The following SRPK2 variants were observed in gnomAD, a reference collection of about 807,000 sequenced individuals.
SRPK2 encodes SRSF protein kinase 2, also known as SFRS protein kinase 2.
In SRPK2, 21 loss-of-function variants were observed where a neutral mutation model predicts 90.8. That is an observed-to-expected ratio of 0.23 (90% CI 0.16 to 0.33). SRPK2 has a LOEUF of 0.33. Among genes scored for constraint, SRPK2 ranks in the 10% least tolerant of loss-of-function variants. SRPK2 has a pLI of 1.00. For synonymous variants in SRPK2, 288 were observed against 311.1 expected (o/e 0.93, Z 0.78); for missense variants, 620 against 869.0 (o/e 0.71, Z 3.60).
chr7:105,162,118 T>C (rs1038098804), intron 6 of SRPK2, among the ~76,000 whole-genome samples: 3 of 152,198 alleles, frequency 2.0e-5, no homozygotes, highest in South Asian at 2.1e-4. Flanking sequence ...CTCAGCTCAC[T>C]GCAACCTCCA....
chr7:105,383,745 G>A (rs1289473616), intron 2 of SRPK2, among the ~76,000 whole-genome samples: 1 of 152,048 alleles, frequency 6.6e-6, no homozygotes, highest in African/African-American at 2.4e-5. Context: ...AAGGAACAAT[G>A]GATAAATGGA....
chr7:105,200,796 G>C (rs1472740278), intron 3 of SRPK2, among the ~76,000 whole-genome samples: 1 of 152,150 alleles, frequency 6.6e-6, no homozygotes, highest in Admixed American at 6.5e-5. Flanking sequence ...ATGAAAGCCA[G>C]GAAAACACTG....
At chr7:105,326,398 T>C (rs1309025023) in intron 2 of SRPK2, among the ~76,000 whole-genome samples, 1 of 152,222 alleles carries the variant, frequency 6.6e-6, no homozygotes, top group Non-Finnish European at 1.5e-5. Context: ...GTACATTATC[T>C]TCTCCATTAT....
At chr7:105,167,351 C>G in intron 6 of SRPK2, 26 bp downstream of exon 6, 2 of 1,580,194 alleles carry the variant, frequency 1.3e-6, no homozygotes, top group Non-Finnish European at 1.7e-6. Flanking sequence ...GGTAAAAATA[C>G]AAATAAATCA....
chr7:105,223,377 G>A (rs1338341046), intron 2 of SRPK2, among the ~76,000 whole-genome samples: 2 of 152,198 alleles, frequency 1.3e-5, no homozygotes, highest in Non-Finnish European at 2.9e-5. Context: ...ACACGGAGTT[G>A]AAGGCTGTTT....
intron 2 of SRPK2, among the ~76,000 whole-genome samples, chr7:105,338,194 T>C (rs570165607): frequency 3.3e-5 from 5 of 152,010 alleles, no homozygotes; most frequent in Non-Finnish European, 7.4e-5. Flanking sequence ...AAAAGGTGAG[T>C]AGAAACTTTA....
At chr7:105,153,925 A>G (rs1162263392) in intron 7 of SRPK2, among the ~76,000 whole-genome samples, 3 of 152,212 alleles carry the variant, frequency 2.0e-5, no homozygotes, top group African/African-American at 7.2e-5. Context: ...TGAGGGTTCC[A>G]CTAGATTTCC....
At chr7:105,262,466 C>T (rs972494380) in intron 2 of SRPK2, among the ~76,000 whole-genome samples, 4 of 152,132 alleles carry the variant, frequency 2.6e-5, no homozygotes, top group East Asian at 1.9e-4. Context: ...TCAAAAACTG[C>T]GGCTCTGATT....
chr7:105,377,962 A>G (rs1820503853), intron 2 of SRPK2, among the ~76,000 whole-genome samples: 2 of 152,214 alleles, frequency 1.3e-5, no homozygotes, highest in African/African-American at 4.8e-5. Context: ...CTGGCCTCTA[A>G]GCAACTCCCC....
rs2129573696 is a variant in SRPK2, at chr7:105,126,322, A to G, written c.1841T>C (p.Ile614Thr). 6 of 1,613,994 alleles carry G rather than the reference A, an allele frequency of 3.7e-6. No individual in the cohort carries two copies. Among genetic ancestry groups the G allele is most frequent in the South Asian group, 1.1e-5 (1 of 91,076 alleles). ...SRDEDHIAHI[I>T]ELLGSIPRHF... ...CCTTGGAATACTGCCTAGCAGCTCT[A>G]TGATGTGGGCTATGTGGTCTATGGA... The change falls in exon 15 of 16, where the codon ATA becomes ACA. Residue 614 changes from isoleucine to threonine, a missense_variant. This residue lies in a region of SRPK2 where 71 missense variants were observed against 123.1 expected (regional missense o/e 0.58). Transcript: ENST00000393651.
chr7:105,367,663 G>C (rs1312177680), intron 2 of SRPK2, among the ~76,000 whole-genome samples: 1 of 152,142 alleles, frequency 6.6e-6, no homozygotes, highest in African/African-American at 2.4e-5. Context: ...ATATACTACA[G>C]TTAATTCCAT....
At chr7:105,337,317 ATT>A (rs773258549) in intron 2 of SRPK2, among the ~76,000 whole-genome samples, 6 of 136,514 alleles carry the variant, frequency 4.4e-5, no homozygotes, top group Admixed American at 1.5e-4. Context: ...TCATGAAGGG[ATT>A]TTTTTTTTTT....
At chr7:105,387,526 T>TA (rs1364895631) in intron 2 of SRPK2, among the ~76,000 whole-genome samples, 2 of 143,476 alleles carry the variant, frequency 1.4e-5, no homozygotes, top group Non-Finnish European at 3.0e-5. Flanking sequence ...TTTTTTTTTT[T>TA]AAGGTATTTT....
intron 2 of SRPK2, among the ~76,000 whole-genome samples, chr7:105,308,707 G>A (rs536282194): frequency 1.3e-5 from 2 of 152,258 alleles, no homozygotes; most frequent in East Asian, 1.9e-4. Flanking sequence ...TTCCTACAGA[G>A]AGCTATGAGA....
intron 2 of SRPK2, among the ~76,000 whole-genome samples, chr7:105,365,977 C>T (rs1257572369): frequency 6.6e-6 from 1 of 151,924 alleles, no homozygotes; most frequent in Non-Finnish European, 1.5e-5. Flanking sequence ...GCCTCAGCCT[C>T]CCAAGTAGCT....
intron 2 of SRPK2, among the ~76,000 whole-genome samples, chr7:105,352,319 T>C (rs1817291055): frequency 6.6e-6 from 1 of 152,166 alleles, no homozygotes; most frequent in East Asian, 1.9e-4. Context: ...AAGGGTGTGT[T>C]ATAAAAATGT....
intron 2 of SRPK2, among the ~76,000 whole-genome samples, chr7:105,271,179 A>G (rs1001318333): frequency 2.0e-5 from 3 of 152,248 alleles, no homozygotes; most frequent in Admixed American, 6.5e-5. Flanking sequence ...CAAAACAACA[A>G]AAAGTTCACA....
intron 2 of SRPK2, among the ~76,000 whole-genome samples, chr7:105,368,907 A>G (rs1819387261): frequency 1.5e-5 from 2 of 129,488 alleles, no homozygotes; most frequent in South Asian, 2.5e-4. Flanking sequence ...AAAAAAAAAG[A>G]CTCAGGCTCC....
intron 2 of SRPK2, among the ~76,000 whole-genome samples, chr7:105,387,243 G>A (rs1821715117): frequency 2.0e-5 from 3 of 152,170 alleles, no homozygotes; most frequent in Non-Finnish European, 1.5e-5. Context: ...TGAATTAAGA[G>A]CTGTGATTAA....
Sources: allele counts gnomAD v4.1 joint callset (sites outside exome capture counted in the v4.1 genomes callset), GRCh38; gene constraint gnomAD v4.1.1; regional missense constraint gnomAD v4.1.1; transcripts MANE v1.5; gene names NCBI Gene and HGNC (gene_info 2026-07-23, HGNC 2026-07-21).